The following TMEFF2 variants were observed in gnomAD, a reference collection of about 807,000 sequenced individuals.
The protein encoded by TMEFF2 is transmembrane protein with EGF like and two follistatin like domains 2, also known as tomoregulin-2.
TMEFF2 carries 28 observed loss-of-function variants against 53.8 expected under a neutral mutation model. That is an observed-to-expected ratio of 0.52 (90% CI 0.39 to 0.71). TMEFF2 has a LOEUF of 0.71. Among genes scored for constraint, TMEFF2 ranks in the 30% least tolerant of loss-of-function variants. The pLI, the probability that TMEFF2 is intolerant of heterozygous loss-of-function variation, is 0.00. For missense variants in TMEFF2, 353 were observed against 455.2 expected (o/e 0.78, Z 2.04); for synonymous variants, 162 against 166.3 (o/e 0.97, Z 0.20).
intron 7 of TMEFF2, among the ~76,000 whole-genome samples, chr2:191,973,514 C>T (rs977458730): frequency 2.8e-4 from 43 of 151,790 alleles, no homozygotes; most frequent in African/African-American, 6.5e-4. Flanking sequence ...TGTATAGATA[C>T]GGTTTTTTCT....
At chr2:191,990,864 A>G (rs1686088255) in intron 7 of TMEFF2, among the ~76,000 whole-genome samples, 1 of 151,982 alleles carries the variant, frequency 6.6e-6, no homozygotes, top group Admixed American at 6.6e-5. Context: ...ACATTTCCAT[A>G]TACTACATTC....
intron 5 of TMEFF2, among the ~76,000 whole-genome samples, chr2:192,017,857 T>C (rs1457481060): frequency 6.6e-6 from 1 of 152,222 alleles, no homozygotes; most frequent in African/African-American, 2.4e-5. Flanking sequence ...AAACACTTGT[T>C]CTTTTCTCAG....
chr2:192,008,943 T>C (rs1686564524), intron 5 of TMEFF2, among the ~76,000 whole-genome samples: 1 of 152,236 alleles, frequency 6.6e-6, no homozygotes, highest in South Asian at 2.1e-4. Flanking sequence ...CATCATGCCC[T>C]TGGATTTTAT....
intron 5 of TMEFF2, among the ~76,000 whole-genome samples, chr2:192,049,149 G>A (rs1457676534): frequency 6.6e-5 from 5 of 75,236 alleles, no homozygotes; most frequent in Admixed American, 5.8e-4. Context: ...GATACATTTG[G>A]TCTATGTGTG....
At chr2:192,162,594 C>A (rs916574296) in intron 4 of TMEFF2, among the ~76,000 whole-genome samples, 2 of 152,066 alleles carry the variant, frequency 1.3e-5, no homozygotes, top group South Asian at 4.1e-4. Context: ...CGCCAACCCA[C>A]AAAATAGGTA....
At chr2:192,136,099 G>C (rs145652443) in intron 4 of TMEFF2, among the ~76,000 whole-genome samples, 2,292 of 152,228 alleles carry the variant, frequency 0.015, 49 homozygotes, top group African/African-American at 0.053. Flanking sequence ...TCTTCACACA[G>C]ACGCGCATGA....
chr2:192,006,258 T>C (rs907032990), intron 5 of TMEFF2, among the ~76,000 whole-genome samples: 1 of 152,070 alleles, frequency 6.6e-6, no homozygotes, highest in African/African-American at 2.4e-5. Context: ...ACATAGAAGT[T>C]GGCCCATTAC....
chr2:192,068,686 A>C (rs1688219789), intron 4 of TMEFF2, among the ~76,000 whole-genome samples: 1 of 151,856 alleles, frequency 6.6e-6, no homozygotes, highest in South Asian at 2.1e-4. Flanking sequence ...CTTTTCTTTT[A>C]GTACTTGCCT....
intron 5 of TMEFF2, among the ~76,000 whole-genome samples, chr2:192,044,896 C>T (rs1317796550): frequency 1.3e-5 from 2 of 152,152 alleles, no homozygotes; most frequent in Middle Eastern, 3.2e-3. Context: ...TGTTGTCTTA[C>T]TCGCAAAGCC....
Position 192,184,351 on chromosome 2 carries a change from T to A in TMEFF2, c.412+3A>T. ...AAGGTTTCAAAGAAGATCACACACA[T>A]ACCTGTGGCACATGATCCTTCTGAC... On this transcript the variant is annotated splice_donor_region_variant and intron_variant, in intron 3 of 9. Coordinates refer to ENST00000272771, the MANE Select transcript of TMEFF2 (RefSeq NM_016192.4). 3 of 1,613,060 alleles carry A rather than the reference T, an allele frequency of 1.9e-6. No individual in the cohort carries two copies. Among genetic ancestry groups the A allele is most frequent in the Non-Finnish European group, 2.5e-6 (3 of 1,179,316 alleles).
At chr2:192,042,156 A>G (rs1687499884) in intron 5 of TMEFF2, among the ~76,000 whole-genome samples, 1 of 151,650 alleles carries the variant, frequency 6.6e-6, no homozygotes, top group South Asian at 2.1e-4. Context: ...AGCCGAGATC[A>G]CACCACTGAA....
intron 4 of TMEFF2, among the ~76,000 whole-genome samples, chr2:192,115,282 T>C (rs1398181598): frequency 1.3e-5 from 2 of 151,780 alleles, no homozygotes; most frequent in Non-Finnish European, 3.0e-5. Context: ...AATAAACCTA[T>C]GTATATAAGA....
chr2:191,970,765 T>G (rs1692615794), intron 7 of TMEFF2, among the ~76,000 whole-genome samples: 1 of 152,234 alleles, frequency 6.6e-6, no homozygotes, highest in South Asian at 2.1e-4. Context: ...GTGTATCTTT[T>G]AATAGTCCAA....
chr2:192,091,429 A>G (rs1049631575), intron 4 of TMEFF2, among the ~76,000 whole-genome samples: 1 of 152,102 alleles, frequency 6.6e-6, no homozygotes, highest in Non-Finnish European at 1.5e-5. Flanking sequence ...CTAAATTTGC[A>G]ATTGCACAAA....
Position 191,953,883 on chromosome 2 carries a change from ATTTTTTTTTTT to A in TMEFF2, c.870-57_870-47del, listed in dbSNP as rs563154787. Reference sequence around the variant, plus strand: ...CAGTTACCTGTAGGGTGCTGCATTCATTTTTTTTTTTTTTTTTTTTTTTTGAGACGGAGTCT... The same window carrying A: ...CAGTTACCTGTAGGGTGCTGCATTCATTTTTTTTTTTTTGAGACGGAGTCT... On this transcript the variant is annotated intron_variant, in intron 8 of 9. Coordinates refer to ENST00000272771, the MANE Select transcript of TMEFF2 (RefSeq NM_016192.4). 197 of 610,322 alleles carry A rather than the reference ATTTTTTTTTTT, an allele frequency of 3.2e-4. 3 individuals carry two copies. Among genetic ancestry groups the A allele is most frequent in the Middle Eastern group, 5.9e-4 (1 of 1,708 alleles). The allele number at this position is 610,322 out of a possible 1,614,324, so 37.8% of individuals were successfully genotyped here.
At position 192,071,059 on chromosome 2, in the gene TMEFF2, G is replaced by A. The variant is rs529479937; in HGVS notation, c.440-13284C>T. On this transcript the variant is annotated intron_variant, in intron 4 of 9. Coordinates refer to ENST00000272771, the MANE Select transcript of TMEFF2 (RefSeq NM_016192.4). ...CCTACTGAGCGAATGCTTTGAATAA[G>A]TAAGGGAGGAGGCCAAATTAGGAGG... Among the ~76,000 whole-genome samples, 9 of 152,022 alleles carry A rather than the reference G, an allele frequency of 5.9e-5. No homozygotes were observed. The South Asian group carries it at 1.7e-3, about 28-fold the overall frequency.
At position 191,956,300 on chromosome 2, in the gene TMEFF2, T is replaced by C; in HGVS notation, c.824A>G (p.His275Arg). 1.9e-6 allele frequency: 3 copies of C among 1,614,012 alleles called. No homozygotes were observed. Among genetic ancestry groups the C allele is most frequent in the Non-Finnish European group, 2.5e-6 (3 of 1,179,936 alleles). Residue 275 changes from histidine to arginine, a missense_variant, in exon 8 of 10, where the codon CAT (histidine) becomes CGT (arginine). Around this residue, in one of 3 missense-constraint regions of TMEFF2, gnomAD observed 294 missense variants for 397.3 expected, o/e 0.74. Transcript: ENST00000272771. ...ATTGATAGAATGCTCACACTTCCCATGCATGCAGAAGCCATTGTAATGTTC... is the reference window on the plus strand; with the variant it reads ...ATTGATAGAATGCTCACACTTCCCACGCATGCAGAAGCCATTGTAATGTTC... ...CPEHYNGFCM[H>R]GKCEHSINMQ... is the part of the protein sequence containing the mutation.
intron 4 of TMEFF2, among the ~76,000 whole-genome samples, chr2:192,096,302 T>C (rs1688902022): frequency 6.6e-6 from 1 of 152,206 alleles, no homozygotes; most frequent in Non-Finnish European, 1.5e-5. Context: ...CACATAAATG[T>C]AGACGGAGCA....
At chr2:192,118,410 G>A (rs967378978) in intron 4 of TMEFF2, among the ~76,000 whole-genome samples, 3 of 152,144 alleles carry the variant, frequency 2.0e-5, no homozygotes, top group East Asian at 3.9e-4. Flanking sequence ...AAGAATCAAA[G>A]TTTCGACAGA....
Sources: gnomAD v4.1 joint callset for allele counts (sites outside exome capture counted in the v4.1 genomes callset) on GRCh38, gnomAD v4.1.1 for gene constraint, gnomAD v4.1.1 regional missense constraint, MANE v1.5 for transcripts, NCBI Gene and HGNC (gene_info 2026-07-23, HGNC 2026-07-21) for gene names.